ADRA1A: variants seen among roughly 807,000 people sequenced by gnomAD.
The protein encoded by ADRA1A is adrenoceptor alpha 1A, also known as alpha-1A adrenergic receptor.
ADRA1A carries 31 observed loss-of-function variants against 29.6 expected under a neutral mutation model. That is an observed-to-expected ratio of 1.05 (90% CI 0.79 to 1.41). ADRA1A has a LOEUF of 1.41. Among genes scored for constraint, ADRA1A ranks in the 40% most tolerant of loss-of-function variants. The pLI is 0.00. For synonymous variants in ADRA1A, 311 were observed against 254.3 expected (o/e 1.22, Z -2.12); for missense variants, 619 against 601.1 (o/e 1.03, Z -0.31).
intron 2 of ADRA1A, among the ~76,000 whole-genome samples, chr8:26,750,095 C>A (rs1346487145): frequency 6.6e-6 from 1 of 152,202 alleles, no homozygotes; most frequent in African/African-American, 2.4e-5. Context: ...AAGGCATTGG[C>A]AGATTTGGTA....
intron 2 of ADRA1A, among the ~76,000 whole-genome samples, chr8:26,828,856 T>C (rs1810776630): frequency 1.3e-5 from 2 of 152,164 alleles, no homozygotes; most frequent in Admixed American, 6.5e-5. Context: ...ATGCAGGAAT[T>C]CTGGGTAAGA....
exon 3 of ADRA1A, chr8:26,748,337 C>T: frequency 5.8e-6 from 1 of 170,988 alleles, no homozygotes; most frequent in Non-Finnish European, 1.3e-5. Context: ...GGGGTCTTAC[C>T]CCACTCCCAA....
downstream of ADRA1A, among the ~76,000 whole-genome samples, chr8:26,767,007 GA>G (rs1314641967): frequency 6.6e-6 from 1 of 152,146 alleles, no homozygotes; most frequent in Non-Finnish European, 1.5e-5. Context: ...GCAAAGGAAA[GA>G]AAACTGATGA....
chr8:26,857,103 G>T (rs950905130), intron 2 of ADRA1A, among the ~76,000 whole-genome samples: 2 of 152,246 alleles, frequency 1.3e-5, no homozygotes, highest in Non-Finnish European at 2.9e-5. Context: ...CAGCAGTGAT[G>T]CTGGACCAGG....
intron 2 of ADRA1A, among the ~76,000 whole-genome samples, chr8:26,854,962 G>A (rs775841326): frequency 6.6e-6 from 1 of 152,150 alleles, no homozygotes; most frequent in Non-Finnish European, 1.5e-5. Context: ...CAGCTAGAAG[G>A]TACCATCCAT....
At chr8:26,849,988 A>C (rs547691372) in intron 2 of ADRA1A, among the ~76,000 whole-genome samples, 5 of 149,784 alleles carry the variant, frequency 3.3e-5, no homozygotes, top group African/African-American at 1.3e-4. Flanking sequence ...GAAATTTAAA[A>C]AAAAATAGTA....
chr8:26,816,494 G>A (rs1022256313), intron 2 of ADRA1A, among the ~76,000 whole-genome samples: 1 of 151,876 alleles, frequency 6.6e-6, no homozygotes, highest in African/African-American at 2.4e-5. Flanking sequence ...TCTATGGCTG[G>A]GAGAAGGGCA....
intron 2 of ADRA1A, among the ~76,000 whole-genome samples, chr8:26,749,784 G>A (rs1804844181): frequency 6.6e-6 from 1 of 152,104 alleles, no homozygotes; most frequent in African/African-American, 2.4e-5. Flanking sequence ...TGCACAATCT[G>A]GCTGGTTGTT....
intron 2 of ADRA1A, among the ~76,000 whole-genome samples, chr8:26,816,610 C>T (rs1809785790): frequency 6.6e-6 from 1 of 151,974 alleles, no homozygotes; most frequent in Non-Finnish European, 1.5e-5. Flanking sequence ...ACACGCCTAA[C>T]ACACTGAGGC....
intron 2 of ADRA1A, among the ~76,000 whole-genome samples, chr8:26,842,762 C>T (rs1399512624): frequency 1.6e-4 from 25 of 151,906 alleles, no homozygotes; most frequent in Admixed American, 1.6e-3. Flanking sequence ...AGAATAATAT[C>T]ATCCCTGGTC....
At chr8:26,770,701 T>C (rs1806082376) in intron 2 of ADRA1A, 35 bp from the exon 3 acceptor site, 2 of 1,552,438 alleles carry the variant, frequency 1.3e-6, no homozygotes, top group Non-Finnish European at 1.7e-6. Context: ...ACATATTATT[T>C]GAAAGCCAGC....
rs189627967 is a variant in ADRA1A, at chr8:26,800,509, T to C, written c.884-29843A>G. 3.6e-3 allele frequency among the ~76,000 whole-genome samples: 551 copies of C among 152,154 alleles called. 3 individuals are homozygous for C. Among genetic ancestry groups the C allele is most frequent in the Non-Finnish European group, 6.2e-3 (425 of 68,006 alleles). On this transcript the variant is annotated intron_variant, in intron 2 of 2. Transcript: ENST00000380573. Reference sequence around the variant, plus strand: ...TGACCATCCTTGAACCTAGAAGAAATGGACATATTCCCAGACACATACAAC... The same window carrying C: ...TGACCATCCTTGAACCTAGAAGAAACGGACATATTCCCAGACACATACAAC...
chr8:26,792,514 G>T (rs1807906649), intron 2 of ADRA1A, among the ~76,000 whole-genome samples: 1 of 151,056 alleles, frequency 6.6e-6, no homozygotes, highest in Admixed American at 6.6e-5. Flanking sequence ...CATATAGACT[G>T]GAAGGACATT....
At chr8:26,752,074 TG>T (rs1461065915), downstream of ADRA1A, among the ~76,000 whole-genome samples, 1 of 152,128 alleles carries the variant, frequency 6.6e-6, no homozygotes, top group Non-Finnish European at 1.5e-5. Context: ...GTGGCAATTT[TG>T]TTTTTTTTTT....
chr8:26,846,699 G>A (rs756978746), intron 2 of ADRA1A, among the ~76,000 whole-genome samples: 36 of 152,302 alleles, frequency 2.4e-4, no homozygotes, highest in Admixed American at 3.3e-4. Flanking sequence ...TTGAACCCAG[G>A]AGGCAGAGGT....
chr8:26,773,050 A>G (rs750190165), intron 2 of ADRA1A, among the ~76,000 whole-genome samples: 1 of 152,226 alleles, frequency 6.6e-6, no homozygotes, highest in African/African-American at 2.4e-5. Flanking sequence ...AATCATCGTT[A>G]GTAACATGAA....
downstream of ADRA1A, among the ~76,000 whole-genome samples, chr8:26,753,141 G>A (rs1804994739): frequency 6.6e-6 from 1 of 152,210 alleles, no homozygotes. Context: ...CAGGTTCTGA[G>A]CCCATGGCTA....
intron 2 of ADRA1A, chr8:26,835,768 G>T (rs1389291756): frequency 5.3e-5 from 8 of 152,272 alleles, no homozygotes; most frequent in Admixed American, 4.6e-4. Flanking sequence ...ATGGTCAAAG[G>T]GGTTACTGAC....
chr8:26,856,780 G>A (rs1212844476), intron 2 of ADRA1A, among the ~76,000 whole-genome samples: 3 of 152,126 alleles, frequency 2.0e-5, no homozygotes, highest in Admixed American at 2.0e-4. Context: ...CACGGTTTTC[G>A]ATAACTTAGT....
Sources: gnomAD v4.1 joint callset for allele counts (sites outside exome capture counted in the v4.1 genomes callset) on GRCh38, gnomAD v4.1.1 for gene constraint, MANE v1.5 for transcripts, NCBI Gene and HGNC (gene_info 2026-07-23, HGNC 2026-07-21) for gene names.